Variants in TENM3 observed in about 807,000 individuals in gnomAD.
The protein encoded by TENM3 is teneurin-3.
Under a neutral mutation model 255.1 loss-of-function variants are expected in TENM3, and 63 were observed. The ratio of observed to expected loss-of-function variants is 0.25; its 90% CI spans 0.20 to 0.30. TENM3 has a LOEUF of 0.30. Ranked by LOEUF, TENM3 falls within the 10% of genes least tolerant of loss-of-function variation. TENM3 has a pLI of 1.00. For synonymous variants in TENM3, 1,306 were observed against 1,322.3 expected (o/e 0.99, Z 0.27); for missense variants, 2,929 against 3,461.1 (o/e 0.85, Z 3.86).
At chr4:181,936,371 G>A in the TENM3 span, among the ~76,000 whole-genome samples, 2 of 152,276 alleles carry the variant, frequency 1.3e-5, no homozygotes, top group East Asian at 3.9e-4. Flanking sequence ...CTCCAGCCTG[G>A]GCGACAGGGT....
At chr4:182,127,494 A>G in the TENM3 span, among the ~76,000 whole-genome samples, 1 of 152,326 alleles carries the variant, frequency 6.6e-6, no homozygotes, top group East Asian at 1.9e-4. Context: ...AATATGCTTC[A>G]AAAGGGAACT....
the TENM3 span, among the ~76,000 whole-genome samples, chr4:181,888,591 C>CGT: frequency 1.3e-3 from 121 of 90,168 alleles, 2 homozygotes; most frequent in Middle Eastern, 6.0e-3. Flanking sequence ...TATATATATG[C>CGT]GTGTGTGTGT....
the TENM3 span, among the ~76,000 whole-genome samples, chr4:182,118,926 A>G: frequency 1.3e-5 from 2 of 152,208 alleles, no homozygotes; most frequent in Non-Finnish European, 2.9e-5. Context: ...AAAGGCAGAC[A>G]TAATGTTCTG....
chr4:182,099,495 A>C, the TENM3 span, among the ~76,000 whole-genome samples: 1 of 152,176 alleles, frequency 6.6e-6, no homozygotes, highest in South Asian at 2.1e-4. Context: ...AGCAAGGATT[A>C]GTTTTTACCT....
At chr4:181,479,434 C>T in the TENM3 span, among the ~76,000 whole-genome samples, 1 of 152,128 alleles carries the variant, frequency 6.6e-6, no homozygotes, top group Non-Finnish European at 1.5e-5. Context: ...TGGTCTTTGC[C>T]AGAGGACTTA....
the TENM3 span, among the ~76,000 whole-genome samples, chr4:181,891,699 A>G: frequency 6.6e-6 from 1 of 152,028 alleles, no homozygotes; most frequent in East Asian, 1.9e-4. Context: ...TTTATCCTTC[A>G]TTTATTTCCA....
the TENM3 span, among the ~76,000 whole-genome samples, chr4:181,612,239 G>A: frequency 6.6e-6 from 1 of 152,210 alleles, no homozygotes; most frequent in Admixed American, 6.5e-5. Flanking sequence ...TCATTTCTTG[G>A]TTAGCATAGG....
chr4:181,449,124 A>C, the TENM3 span, among the ~76,000 whole-genome samples: 3 of 152,186 alleles, frequency 2.0e-5, no homozygotes, highest in Non-Finnish European at 2.9e-5. Flanking sequence ...ATTTTACACC[A>C]TATTTTTACA....
the TENM3 span, among the ~76,000 whole-genome samples, chr4:181,676,027 T>C: frequency 0.014 from 2,204 of 152,158 alleles, 27 homozygotes; most frequent in Non-Finnish European, 0.021. Flanking sequence ...TGTTGTCCAA[T>C]AGAACCATTA....
intron 3 of TENM3, among the ~76,000 whole-genome samples, chr4:182,580,042 A>G (rs115897901): frequency 2.7e-3 from 415 of 152,280 alleles, no homozygotes; most frequent in African/African-American, 9.5e-3. Flanking sequence ...TGTTTTAAAT[A>G]GTATATAACT....
intron 3 of TENM3, among the ~76,000 whole-genome samples, chr4:182,401,337 G>T (rs988206100): frequency 6.6e-6 from 1 of 152,080 alleles, no homozygotes; most frequent in Non-Finnish European, 1.5e-5. Context: ...TTAATTATTT[G>T]TTTGGTGGTT....
chr4:181,499,123 G>T, the TENM3 span, among the ~76,000 whole-genome samples: 1 of 152,062 alleles, frequency 6.6e-6, no homozygotes, highest in Non-Finnish European at 1.5e-5. Context: ...CCACAACTTA[G>T]CCAACACTGA....
chr4:181,641,161 G>A, the TENM3 span, among the ~76,000 whole-genome samples: 1 of 151,934 alleles, frequency 6.6e-6, no homozygotes, highest in East Asian at 1.9e-4. Context: ...GCATAAAAAT[G>A]GCCTGTACAT....
chr4:181,834,866 T>C, the TENM3 span: 1 of 152,200 alleles, frequency 6.6e-6, no homozygotes, highest in African/African-American at 2.4e-5. Flanking sequence ...TCAAGTGCCA[T>C]TTTTTTCCAT....
At chr4:182,391,598 G>C (rs1436073304) in intron 3 of TENM3, among the ~76,000 whole-genome samples, 2 of 152,204 alleles carry the variant, frequency 1.3e-5, no homozygotes, top group African/African-American at 4.8e-5. Context: ...CAGTAACTGA[G>C]CAGATTCAAT....
chr4:181,568,331 T>G, the TENM3 span, among the ~76,000 whole-genome samples: 1 of 151,670 alleles, frequency 6.6e-6, no homozygotes, highest in African/African-American at 2.4e-5. Context: ...ACCCAGATAA[T>G]TGTTTTGTTT....
At chr4:181,630,757 T>C in the TENM3 span, among the ~76,000 whole-genome samples, 1 of 152,142 alleles carries the variant, frequency 6.6e-6, no homozygotes, top group African/African-American at 2.4e-5. Flanking sequence ...TTTACCTCCA[T>C]CTATGTGGTC....
At chr4:182,455,361 T>G (rs1294453178) in intron 3 of TENM3, among the ~76,000 whole-genome samples, 1 of 152,050 alleles carries the variant, frequency 6.6e-6, no homozygotes, top group East Asian at 1.9e-4. Context: ...CTGTCTTTTC[T>G]TTAATCCAGC....
chr4:181,615,773 G>C, the TENM3 span, among the ~76,000 whole-genome samples: 1 of 152,178 alleles, frequency 6.6e-6, no homozygotes, highest in African/African-American at 2.4e-5. Flanking sequence ...CGTCGTGATT[G>C]TGCCAATAAG....
Sources: gnomAD v4.1 joint callset for allele counts (sites outside exome capture counted in the v4.1 genomes callset) on GRCh38, gnomAD v4.1.1 for gene constraint, MANE v1.5 for transcripts, NCBI Gene and HGNC (gene_info 2026-07-23, HGNC 2026-07-21) for gene names.